The following DLG2 variants were observed in gnomAD, a reference collection of about 807,000 sequenced individuals.
The protein encoded by DLG2 is discs large MAGUK scaffold protein 2.
DLG2 carries 45 observed loss-of-function variants against 132.5 expected under a neutral mutation model. That is an observed-to-expected ratio of 0.34 (90% CI 0.27 to 0.44). The LOEUF is 0.44. Among genes scored for constraint, DLG2 ranks in the 20% least tolerant of loss-of-function variants. DLG2 has a pLI of 1.00. For missense variants in DLG2, 1,045 were observed against 1,196.9 expected, an observed-to-expected ratio of 0.87 and a Z score of 1.87; for synonymous variants, 424 against 419.6, an observed-to-expected ratio of 1.01 and a Z score of -0.13.
At chr11:84,462,685 T>A (rs1388432021) in intron 7 of DLG2, among the ~76,000 whole-genome samples, 1 of 151,096 alleles carries the variant, frequency 6.6e-6, no homozygotes, top group Non-Finnish European at 1.5e-5. Flanking sequence ...TATTACTCTC[T>A]CTGTTTTTTA....
intron 3 of DLG2, among the ~76,000 whole-genome samples, chr11:85,417,101 T>C (rs1253756490): frequency 6.6e-6 from 1 of 152,174 alleles, no homozygotes; most frequent in African/African-American, 2.4e-5. Flanking sequence ...GCTCTTATTA[T>C]TTTGAGATAT....
intron 10 of DLG2, among the ~76,000 whole-genome samples, chr11:84,080,921 G>C (rs927804160): frequency 6.6e-6 from 1 of 151,158 alleles, no homozygotes; most frequent in African/African-American, 2.4e-5. Context: ...GAACCCACGA[G>C]GCAGAGGTTG....
At chr11:84,106,221 G>A (rs1388022638) in intron 9 of DLG2, among the ~76,000 whole-genome samples, 1 of 152,094 alleles carries the variant, frequency 6.6e-6, no homozygotes, top group Non-Finnish European at 1.5e-5. Context: ...AAATTGTCCT[G>A]GAAGTCATTT....
chr11:83,791,462 TA>T (rs2041534042), intron 17 of DLG2: 1 of 709,386 alleles, frequency 1.4e-6, no homozygotes, highest in Non-Finnish European at 2.6e-6. Context: ...AATTAGGAAT[TA>T]TCTTTCCAAA....
At chr11:85,188,585 A>G (rs2080298736) in intron 4 of DLG2, among the ~76,000 whole-genome samples, 1 of 152,214 alleles carries the variant, frequency 6.6e-6, no homozygotes, top group Non-Finnish European at 1.5e-5. Context: ...AATATATTAT[A>G]AGAATTAAAG....
chr11:84,151,892 A>G lies in DLG2; in HGVS notation c.624+11569T>C, dbSNP rs7113575. On this transcript the variant is annotated intron_variant, in intron 9 of 27. Transcript: ENST00000376104. ...TGGTTTTGATTTCTATTTTTATTGC[A>G]CTGTAGTTTGAGAGTATGTTTGGTA... 1.9e-3 allele frequency among the ~76,000 whole-genome samples: 295 copies of G among 152,210 alleles called. 2 individuals carry two copies. Among genetic ancestry groups the G allele is most frequent in the African/African-American group, 6.9e-3 (285 of 41,540 alleles).
chr11:84,384,576 G>A (rs1471683286), intron 7 of DLG2, among the ~76,000 whole-genome samples: 1 of 151,962 alleles, frequency 6.6e-6, no homozygotes, highest in African/African-American at 2.4e-5. Flanking sequence ...TTAGTTCAAA[G>A]ATTTCATGAT....
chr11:83,897,617 C>T (rs1013544403), intron 15 of DLG2, among the ~76,000 whole-genome samples: 1 of 152,076 alleles, frequency 6.6e-6, no homozygotes, highest in Non-Finnish European at 1.5e-5. Context: ...AAAGTGGAGG[C>T]TGAATTATTC....
chr11:84,478,162 A>C (rs974545441), intron 7 of DLG2, among the ~76,000 whole-genome samples: 1 of 152,096 alleles, frequency 6.6e-6, no homozygotes, highest in Non-Finnish European at 1.5e-5. Context: ...CATTATTACA[A>C]ATTTCTTAGG....
intron 8 of DLG2, among the ~76,000 whole-genome samples, chr11:84,250,712 C>T (rs1004061998): frequency 2.0e-5 from 3 of 152,170 alleles, no homozygotes; most frequent in Admixed American, 6.6e-5. Flanking sequence ...GAATCCTAGG[C>T]TTCATTGGTT....
At chr11:84,864,805 G>A (rs2084295053) in intron 6 of DLG2, among the ~76,000 whole-genome samples, 2 of 152,132 alleles carry the variant, frequency 1.3e-5, no homozygotes, top group African/African-American at 2.4e-5. Context: ...TACGGAGGAA[G>A]AGACAATATT....
chr11:83,523,369 A>T (rs1419337102), intron 21 of DLG2, among the ~76,000 whole-genome samples: 1 of 152,206 alleles, frequency 6.6e-6, no homozygotes, highest in Non-Finnish European at 1.5e-5. Flanking sequence ...TATTTATATT[A>T]CTTTAGTCTT....
At chr11:85,111,288 A>C (rs1275779535) in intron 6 of DLG2, among the ~76,000 whole-genome samples, 1 of 152,158 alleles carries the variant, frequency 6.6e-6, no homozygotes, top group Non-Finnish European at 1.5e-5. Flanking sequence ...ACTATTAAGC[A>C]GTTGACACAG....
At chr11:85,213,686 C>A (rs1403008739) in intron 4 of DLG2, among the ~76,000 whole-genome samples, 1 of 152,022 alleles carries the variant, frequency 6.6e-6, no homozygotes, top group East Asian at 1.9e-4. Context: ...CATGTCTGAC[C>A]CATCCCCCTG....
At chr11:84,908,891 TA>T (rs1566353937) in intron 6 of DLG2, among the ~76,000 whole-genome samples, 1 of 151,570 alleles carries the variant, frequency 6.6e-6, no homozygotes. Flanking sequence ...TGATCGACAT[TA>T]GTATCCCATC....
At chr11:83,976,090 G>T (rs1156332073) in intron 12 of DLG2, among the ~76,000 whole-genome samples, 1 of 151,728 alleles carries the variant, frequency 6.6e-6, no homozygotes. Flanking sequence ...CAATATGGAT[G>T]GTATGATTCA....
chr11:85,497,017 T>C (rs770059156), intron 3 of DLG2, among the ~76,000 whole-genome samples: 3 of 152,036 alleles, frequency 2.0e-5, no homozygotes, highest in Non-Finnish European at 4.4e-5. Flanking sequence ...AGAATGCCTC[T>C]TCTCCTCCAA....
chr11:85,125,938 G>T (rs183330578), intron 5 of DLG2, among the ~76,000 whole-genome samples: 1 of 152,108 alleles, frequency 6.6e-6, no homozygotes, highest in East Asian at 1.9e-4. Flanking sequence ...ACTATGAGTT[G>T]CTATGTGTGG....
At chr11:83,942,735 T>C (rs1198509872) in intron 14 of DLG2, among the ~76,000 whole-genome samples, 1 of 152,236 alleles carries the variant, frequency 6.6e-6, no homozygotes, top group African/African-American at 2.4e-5. Flanking sequence ...GTATTTTAAA[T>C]TAATTTTTTA....
Sources: gnomAD v4.1 joint callset for allele counts (sites outside exome capture counted in the v4.1 genomes callset) on GRCh38, gnomAD v4.1.1 for gene constraint, MANE v1.5 for transcripts, NCBI Gene and HGNC (gene_info 2026-07-23, HGNC 2026-07-21) for gene names.